Variants in OSBPL10 observed in about 807,000 individuals in gnomAD.
OSBPL10 encodes the protein oxysterol binding protein like 10.
In OSBPL10, 49 loss-of-function variants were observed where a neutral mutation model predicts 81.7. The ratio of observed to expected loss-of-function variants is 0.60; its 90% CI spans 0.48 to 0.76. OSBPL10 has a LOEUF of 0.76. Among genes scored for constraint, OSBPL10 ranks in the 30% least tolerant of loss-of-function variants. The pLI, the probability that OSBPL10 is intolerant of heterozygous loss-of-function variation, is 0.00. For synonymous variants in OSBPL10, 419 were observed against 383.6 expected (o/e 1.09, Z -1.08); for missense variants, 923 against 987.8 (o/e 0.93, Z 0.88).
rs745886729 is a variant in OSBPL10 at position 31,905,270 on chromosome 3, G to A, written c.282-25440C>T. On this transcript the variant is annotated intron_variant, in intron 1 of 11. Coordinates refer to ENST00000396556, the MANE Select transcript of OSBPL10 (RefSeq NM_017784.5). ...TGATTTCCTAGTCCTCAAGTCACAC[G>A]ATGATATCAAACTTGTCAATATGTC... Among the ~76,000 whole-genome samples, 8 of 150,070 alleles carry A rather than the reference G, an allele frequency of 5.3e-5. No individual in the cohort carries two copies. In the East Asian group the frequency reaches 1.2e-3, roughly 22 times the overall value.
In OSBPL10 at chr3:31,670,925, G is replaced by A. The variant is rs938747207; in HGVS notation, c.1785C>T (p.Tyr595=). The A allele has an allele frequency of 2.3e-5, 37 of 1,613,982 alleles. No homozygotes were observed. The highest frequency in any genetic ancestry group is 6.6e-5 in the South Asian group (6 of 91,068). ...ACGGGATGGTGAGAATGGACCGGGC[G>A]TAGGCACTAGGCAGGGTGAATACGT... The part of the protein sequence containing the change: ...EEYVFTLPSA[Y]ARSILTIPWV... Residue 595 remains tyrosine (Y), a synonymous_variant, in exon 9 of 12, where the codon TAC becomes TAT. Transcript: ENST00000396556.
At chr3:31,911,352 C>G (rs1036543131) in intron 1 of OSBPL10, among the ~76,000 whole-genome samples, 1 of 152,120 alleles carries the variant, frequency 6.6e-6, no homozygotes, top group Non-Finnish European at 1.5e-5. Context: ...GATGGTTAAT[C>G]TTAAAGCTAC....
At chr3:31,900,513 C>T (rs1227280322) in intron 1 of OSBPL10, among the ~76,000 whole-genome samples, 1 of 152,196 alleles carries the variant, frequency 6.6e-6, no homozygotes, top group Non-Finnish European at 1.5e-5. Flanking sequence ...TTCCCCAAGA[C>T]CTCTCTTCAC....
chr3:31,767,474 C>T (rs1170527715), intron 4 of OSBPL10, among the ~76,000 whole-genome samples: 2 of 152,170 alleles, frequency 1.3e-5, no homozygotes, highest in African/African-American at 4.8e-5. Context: ...TTACATCTGC[C>T]TAGAAAGCTT....
At chr3:31,869,825 G>A (rs565934856) in intron 3 of OSBPL10, among the ~76,000 whole-genome samples, 3 of 152,196 alleles carry the variant, frequency 2.0e-5, no homozygotes, top group Non-Finnish European at 2.9e-5. Context: ...CAGGACCTCT[G>A]TGAAGAGTAA....
chr3:31,738,206 T>C (rs533542352), intron 5 of OSBPL10, among the ~76,000 whole-genome samples: 12 of 151,942 alleles, frequency 7.9e-5, no homozygotes, highest in African/African-American at 2.9e-4. Context: ...AAAATGCACA[T>C]CTAGATGCAG....
chr3:31,722,001 T>G (rs770893328), intron 6 of OSBPL10, among the ~76,000 whole-genome samples: 1 of 152,144 alleles, frequency 6.6e-6, no homozygotes, highest in Non-Finnish European at 1.5e-5. Context: ...CAGAGAGACA[T>G]CATGTTAATC....
At chr3:31,926,015 T>C (rs1416189029) in intron 1 of OSBPL10, among the ~76,000 whole-genome samples, 1 of 152,090 alleles carries the variant, frequency 6.6e-6, no homozygotes, top group Non-Finnish European at 1.5e-5. Context: ...GCTGATATCT[T>C]TATAGTAAAA....
intron 4 of OSBPL10, among the ~76,000 whole-genome samples, chr3:31,782,045 C>T (rs769125969): frequency 1.3e-5 from 2 of 152,162 alleles, no homozygotes; most frequent in Non-Finnish European, 2.9e-5. Flanking sequence ...CATTACCTGA[C>T]TTGAAACTAC....
intron 1 of OSBPL10, among the ~76,000 whole-genome samples, chr3:32,055,789 G>A (rs1167420203): frequency 6.6e-6 from 1 of 152,140 alleles, no homozygotes; most frequent in Non-Finnish European, 1.5e-5. Flanking sequence ...CACAGTTCCT[G>A]TACAGGGTCC....
intron 3 of OSBPL10, among the ~76,000 whole-genome samples, chr3:31,845,082 A>T (rs985112120): frequency 1.3e-5 from 2 of 152,208 alleles, no homozygotes; most frequent in African/African-American, 4.8e-5. Flanking sequence ...ACCCTGTCTC[A>T]ATAAAATTAA....
At chr3:32,024,744 G>C (rs952891511) in intron 2 of OSBPL10, among the ~76,000 whole-genome samples, 1 of 151,988 alleles carries the variant, frequency 6.6e-6, no homozygotes, top group Non-Finnish European at 1.5e-5. Flanking sequence ...AAAGTGCTGG[G>C]ATTACAGGCA....
chr3:32,057,163 A>G (rs898922503), intron 1 of OSBPL10, among the ~76,000 whole-genome samples: 2 of 152,248 alleles, frequency 1.3e-5, no homozygotes, highest in African/African-American at 4.8e-5. Context: ...GTAGCATATA[A>G]TCAAGAAATA....
chr3:31,838,829 A>G (rs1465784346), intron 3 of OSBPL10, among the ~76,000 whole-genome samples: 1 of 152,238 alleles, frequency 6.6e-6, no homozygotes, highest in African/African-American at 2.4e-5. Flanking sequence ...AATACTTTAA[A>G]TTGTTTATAT....
intron 4 of OSBPL10, among the ~76,000 whole-genome samples, chr3:31,818,662 G>T (rs1309362665): frequency 1.3e-5 from 2 of 152,228 alleles, no homozygotes; most frequent in East Asian, 3.9e-4. Context: ...TCGCTGTTTT[G>T]TTCAGTCTCT....
chr3:31,961,921 A>C, intron 1 of OSBPL10, among the ~76,000 whole-genome samples: 1 of 76,090 alleles, frequency 1.3e-5, no homozygotes, highest in South Asian at 5.3e-4. Context: ...TTTTTTTTTT[A>C]AGAGTTTTTT....
chr3:32,005,573 T>C (rs1403823545), intron 2 of OSBPL10, among the ~76,000 whole-genome samples: 1 of 152,108 alleles, frequency 6.6e-6, no homozygotes, highest in African/African-American at 2.4e-5. Flanking sequence ...GCCTCTTTAA[T>C]GTTTTGGGTT....
rs1371060927 is a variant in OSBPL10 at position 31,981,086 on chromosome 3, A to C, written c.94T>G (p.Ser32Ala). 4 of 1,492,004 alleles carry C rather than the reference A, an allele frequency of 2.7e-6. No homozygotes were observed. Among genetic ancestry groups the C allele is most frequent in the Middle Eastern group, 2.3e-4 (1 of 4,296 alleles). 92.4% of individuals were successfully genotyped at this position (1,492,004 alleles called of 1,614,324 possible). A position where few individuals can be genotyped will look rare whatever the true frequency, so the allele number is the denominator to read the frequency against. ...ACCCCCCGGCCCGCCAGAGAGCAGG[A>C]GGGCGAGGAGCCCGCCGAGGTAGCA... ...SRATSAGSSP[S>A]CSLAGRGVSS... The change falls in exon 1 of 12, where the codon TCC (serine) becomes GCC (alanine). Residue 32 changes from serine to alanine, a missense_variant. By Grantham distance (99) the Ser-to-Ala change is moderately conservative. Transcript: ENST00000396556. This position sits in a 1 kb window ranked among gnomAD's most constrained non-coding sequence, Gnocchi z 4.5.
chr3:31,814,977 G>A (rs1314535193), intron 4 of OSBPL10, among the ~76,000 whole-genome samples: 3 of 152,208 alleles, frequency 2.0e-5, no homozygotes, highest in Non-Finnish European at 4.4e-5. Flanking sequence ...AAATATGGCA[G>A]AAGTGAGAGT....
Sources: allele counts gnomAD v4.1 joint callset (sites outside exome capture counted in the v4.1 genomes callset), GRCh38; gene constraint gnomAD v4.1.1; non-coding constraint Gnocchi (gnomAD v3.1); transcripts MANE v1.5; gene names NCBI Gene and HGNC (gene_info 2026-07-23, HGNC 2026-07-21).